NEO1: variants seen among roughly 807,000 people sequenced by gnomAD.
NEO1 encodes the protein neogenin 1.
Under a neutral mutation model 159.7 loss-of-function variants are expected in NEO1, and 63 were observed. The observed-to-expected ratio is 0.39, with a 90% CI of 0.32 to 0.49. The LOEUF is 0.49. Ranked by LOEUF, NEO1 falls within the 20% of genes least tolerant of loss-of-function variation. The pLI is 0.85. For missense variants in NEO1, 1,615 were observed against 1,831.0 expected, an observed-to-expected ratio of 0.88 and a Z score of 2.15; for synonymous variants, 633 against 662.0, an observed-to-expected ratio of 0.96 and a Z score of 0.67.
intron 7 of NEO1, among the ~76,000 whole-genome samples, chr15:73,202,005 G>C (rs4776629): frequency 0.89 from 125,782 of 141,694 alleles, 56,140 homozygotes; most frequent in Admixed American, 0.94. Flanking sequence ...TTGTTGCTGC[G>C]CAGCCTGGAG....
chr15:73,227,349 A>T (rs368248008), intron 7 of NEO1, among the ~76,000 whole-genome samples: 1 of 152,148 alleles, frequency 6.6e-6, no homozygotes, highest in East Asian at 1.9e-4. Flanking sequence ...TACAAAAATT[A>T]GCCGGGTATG....
chr15:73,139,480 A>G (rs983278007), intron 5 of NEO1, among the ~76,000 whole-genome samples: 1 of 152,200 alleles, frequency 6.6e-6, no homozygotes, highest in Non-Finnish European at 1.5e-5. Flanking sequence ...AAAAAAACAA[A>G]CATTCAAAAC....
intron 7 of NEO1, among the ~76,000 whole-genome samples, chr15:73,202,708 T>A (rs994126627): frequency 6.6e-6 from 1 of 152,262 alleles, no homozygotes; most frequent in Admixed American, 6.5e-5. Context: ...AGTGCATTCA[T>A]TCTGTTGTGC....
chr15:73,075,893 A>G (rs2068747041), intron 1 of NEO1, among the ~76,000 whole-genome samples: 1 of 151,990 alleles, frequency 6.6e-6, no homozygotes, highest in Admixed American at 6.6e-5. Flanking sequence ...GTTGCACTTT[A>G]CTTGAGCTGT....
upstream of NEO1, among the ~76,000 whole-genome samples, chr15:73,052,299 C>T (rs1036484734): frequency 3.7e-5 from 1 of 26,806 alleles, no homozygotes; most frequent in African/African-American, 1.5e-4. Flanking sequence ...GACTCCCGCC[C>T]CCCGCCCCCG....
intron 1 of NEO1, among the ~76,000 whole-genome samples, chr15:73,101,068 C>CA (rs2070377573): frequency 6.6e-6 from 1 of 152,238 alleles, no homozygotes; most frequent in South Asian, 2.1e-4. Context: ...AATCCTTCTA[C>CA]ACATCTTTTC....
rs147126676 is a variant in NEO1, at chr15:73,232,784, A to G, written c.1292-3563A>G. On this transcript the variant is annotated intron_variant, in intron 7 of 28. Transcript: ENST00000261908. ...TGGCCCTTCCTATTCACTTGCCACCAGGATTGCTCCTCTAATTGACAACAC... is the reference window on the plus strand; with the variant it reads ...TGGCCCTTCCTATTCACTTGCCACCGGGATTGCTCCTCTAATTGACAACAC... 3.3e-3 allele frequency among the ~76,000 whole-genome samples: 496 copies of G among 152,260 alleles called. 3 individuals carry two copies. Among genetic ancestry groups the G allele is most frequent in the African/African-American group, 0.011 (476 of 41,546 alleles).
chr15:73,053,220 A>T (rs1448900554), intron 1 of NEO1, among the ~76,000 whole-genome samples: 1 of 152,130 alleles, frequency 6.6e-6, no homozygotes, highest in East Asian at 1.9e-4. Flanking sequence ...AGGAAAGGGG[A>T]GGGGGCTTGA....
chr15:73,091,333 A>G (rs2069678907), intron 1 of NEO1, among the ~76,000 whole-genome samples: 1 of 152,214 alleles, frequency 6.6e-6, no homozygotes, highest in Non-Finnish European at 1.5e-5. Flanking sequence ...CTTATGTATT[A>G]CATTCCTGAA....
chr15:73,238,403 T>G (rs1315545885), intron 8 of NEO1, among the ~76,000 whole-genome samples: 1 of 150,880 alleles, frequency 6.6e-6, no homozygotes, highest in Non-Finnish European at 1.5e-5. Flanking sequence ...AGCCTGGCAT[T>G]TAGTAACACT....
intron 1 of NEO1, among the ~76,000 whole-genome samples, chr15:73,054,628 G>A (rs2067614264): frequency 6.6e-6 from 1 of 152,158 alleles, no homozygotes; most frequent in Admixed American, 6.5e-5. Context: ...CTGAGGAGTG[G>A]GTAGGAGTGG....
intron 1 of NEO1, 33 bp downstream of exon 1, chr15:73,052,838 G>A: frequency 1.9e-6 from 1 of 518,662 alleles, no homozygotes; most frequent in Non-Finnish European, 2.5e-6. Flanking sequence ...GGGGTTCGCG[G>A]GGGCGCGGCA....
intron 7 of NEO1, among the ~76,000 whole-genome samples, chr15:73,230,996 C>A (rs1596413924): frequency 1.3e-5 from 2 of 152,000 alleles, no homozygotes; most frequent in Non-Finnish European, 2.9e-5. Flanking sequence ...TCTCAGATTT[C>A]TTTTTAATTC....
chr15:73,231,774 A>G (rs1024577113), intron 7 of NEO1, among the ~76,000 whole-genome samples: 6 of 152,158 alleles, frequency 3.9e-5, no homozygotes, highest in East Asian at 1.9e-4. Context: ...CTTTGGGGGC[A>G]TGGGAAACTG....
Position 73,244,340 on chromosome 15 carries a change from A to G in NEO1, c.1452-4A>G. 1 of 1,612,524 alleles carries G rather than the reference A, an allele frequency of 6.2e-7. No homozygotes were observed. Among genetic ancestry groups the G allele is most frequent in the Non-Finnish European group, 8.5e-7 (1 of 1,179,158 alleles). On this transcript the variant is annotated splice_polypyrimidine_tract_variant and splice_region_variant and intron_variant, in intron 8 of 28. Transcript: ENST00000261908. ...CTATCTCTCTCCAAATCCTTTGTCTAAAGGGAACGTGTTGAGAATACCAGT... is the reference window on the plus strand; with the variant it reads ...CTATCTCTCTCCAAATCCTTTGTCTGAAGGGAACGTGTTGAGAATACCAGT...
intron 5 of NEO1, among the ~76,000 whole-genome samples, chr15:73,165,899 C>T (rs1038181137): frequency 4.6e-5 from 7 of 152,186 alleles, no homozygotes; most frequent in South Asian, 2.1e-4. Context: ...TATTCCATAT[C>T]GCTTTGTTCC....
At chr15:73,161,550 A>G (rs1405954251) in intron 5 of NEO1, among the ~76,000 whole-genome samples, 1 of 152,200 alleles carries the variant, frequency 6.6e-6, no homozygotes, top group Non-Finnish European at 1.5e-5. Flanking sequence ...GTCCTATCAT[A>G]ACATTCCATA....
intron 1 of NEO1, among the ~76,000 whole-genome samples, chr15:73,078,712 G>C (rs1352545360): frequency 1.3e-5 from 2 of 152,198 alleles, no homozygotes; most frequent in Non-Finnish European, 2.9e-5. Flanking sequence ...TCTTTCTGCA[G>C]ATCTCTTCCT....
chr15:73,163,256 A>G (rs571195270), intron 5 of NEO1, among the ~76,000 whole-genome samples: 1 of 152,124 alleles, frequency 6.6e-6, no homozygotes, highest in African/African-American at 2.4e-5. Context: ...TCATTCTAAT[A>G]GTTTTTCAGC....
Sources: allele counts gnomAD v4.1 joint callset (sites outside exome capture counted in the v4.1 genomes callset), GRCh38; gene constraint gnomAD v4.1.1; transcripts MANE v1.5; gene names NCBI Gene and HGNC (gene_info 2026-07-23, HGNC 2026-07-21).